The following PDK1 variants were observed in gnomAD, a reference collection of about 807,000 sequenced individuals.
The protein encoded by PDK1 is pyruvate dehydrogenase kinase 1, also known as [Pyruvate dehydrogenase (acetyl-transferring)] kinase isozyme 1, mitochondrial.
A neutral mutation model predicts 54.2 loss-of-function variants in PDK1; 39 were observed. The ratio of observed to expected loss-of-function variants is 0.72; its 90% CI spans 0.56 to 0.94. PDK1 has a LOEUF of 0.94. PDK1 is among the 40% of genes least tolerant of loss of function. The pLI is 0.00. For missense variants in PDK1, 552 were observed against 566.0 expected (o/e 0.98, Z 0.25); for synonymous variants, 221 against 207.1 (o/e 1.07, Z -0.58).
At chr2:172,636,734 AAAGC>A in the PDK1 span, among the ~76,000 whole-genome samples, 1 of 151,914 alleles carries the variant, frequency 6.6e-6, no homozygotes. Flanking sequence ...AAAAAAAAAA[AAAGC>A]AAGAACTCAT....
chr2:172,559,681 G>A (rs78044438), intron 2 of PDK1, among the ~76,000 whole-genome samples: 36,007 of 151,950 alleles, frequency 0.24, 4,493 homozygotes, highest in Non-Finnish European at 0.28. Context: ...CAGAGTAGCT[G>A]GGATTACAGG....
chr2:172,715,609 G>A, the PDK1 span, among the ~76,000 whole-genome samples: 9 of 152,236 alleles, frequency 5.9e-5, no homozygotes, highest in East Asian at 1.7e-3. Flanking sequence ...CCGCCTCATG[G>A]GAATGCAACC....
chr2:172,646,405 C>T, the PDK1 span, among the ~76,000 whole-genome samples: 1 of 151,932 alleles, frequency 6.6e-6, no homozygotes, highest in East Asian at 1.9e-4. Context: ...ATTTGACAGC[C>T]TCATAGAGGC....
chr2:172,586,020 A>G (rs1390946730), intron 8 of PDK1, among the ~76,000 whole-genome samples: 1 of 151,978 alleles, frequency 6.6e-6, no homozygotes, highest in Non-Finnish European at 1.5e-5. Context: ...TTAGCCGGGC[A>G]TGGTGGCAGG....
chr2:172,697,722 C>T, the PDK1 span, among the ~76,000 whole-genome samples: 5 of 152,120 alleles, frequency 3.3e-5, no homozygotes, highest in Admixed American at 1.3e-4. Flanking sequence ...TTCAATTACA[C>T]GTATTTTCAA....
rs529666205 is a variant in PDK1, at chr2:172,580,677, C to A, written c.946-5601C>A. ...CAAATACTCATAGTGGCACTATTCA[C>A]AATAGTGTACAGGTAGAAACAACCC... On this transcript the variant is annotated intron_variant, in intron 8 of 10. Transcript: ENST00000282077. Among the ~76,000 whole-genome samples, 4 of 152,218 alleles carry A rather than the reference C, an allele frequency of 2.6e-5. No homozygotes were observed. The East Asian group carries it at 7.7e-4, about 29-fold the overall frequency.
chr2:172,617,946 C>G, the PDK1 span, among the ~76,000 whole-genome samples: 28 of 152,142 alleles, frequency 1.8e-4, no homozygotes, highest in Non-Finnish European at 3.8e-4. Flanking sequence ...TATTCCTTTA[C>G]TTACAAAACA....
the PDK1 span, among the ~76,000 whole-genome samples, chr2:172,626,554 GA>G: frequency 1.4e-4 from 21 of 152,128 alleles, no homozygotes; most frequent in Non-Finnish European, 2.9e-4. Flanking sequence ...AACACTTTGG[GA>G]GTCCAAGGCA....
the PDK1 span, among the ~76,000 whole-genome samples, chr2:172,645,339 C>T: frequency 3.2e-5 from 4 of 124,828 alleles, no homozygotes; most frequent in Admixed American, 1.1e-4. Context: ...GGCACGATCT[C>T]GGCTCACTGC....
the PDK1 span, among the ~76,000 whole-genome samples, chr2:172,707,928 C>T: frequency 6.6e-6 from 1 of 152,188 alleles, no homozygotes; most frequent in East Asian, 1.9e-4. Flanking sequence ...TATGACAATT[C>T]TCCAACCAGT....
At chr2:172,648,986 G>A in the PDK1 span, among the ~76,000 whole-genome samples, 1 of 152,182 alleles carries the variant, frequency 6.6e-6, no homozygotes, top group Non-Finnish European at 1.5e-5. Context: ...AGAGAGTAGT[G>A]GTTCTCCCAG....
At chr2:172,594,443 C>T (rs973819428) in intron 10 of PDK1, among the ~76,000 whole-genome samples, 7 of 152,126 alleles carry the variant, frequency 4.6e-5, no homozygotes, top group East Asian at 3.8e-4. Flanking sequence ...ATAAAATACA[C>T]TAATGATAGC....
chr2:172,651,570 G>A, the PDK1 span, among the ~76,000 whole-genome samples: 2 of 152,020 alleles, frequency 1.3e-5, no homozygotes, highest in Non-Finnish European at 1.5e-5. Flanking sequence ...TTGATTGCTA[G>A]CAAGACTAAT....
At chr2:172,639,145 T>C in the PDK1 span, among the ~76,000 whole-genome samples, 1 of 152,286 alleles carries the variant, frequency 6.6e-6, no homozygotes, top group South Asian at 2.1e-4. Flanking sequence ...GGCCTTTTGC[T>C]CCAAAAGCCG....
rs1691330324 is a variant in PDK1, at chr2:172,607,337, A to G, written c.*11368A>G. On this transcript the variant is annotated 3_prime_UTR_variant, in exon 11 of 11. Transcript: ENST00000282077. ...AGTGCTTTGATTTTTTTTAATATAG[A>G]ATCAAACAATTGTGAAAATATAATT... is the stretch of plus-strand genomic sequence containing the variant. 1 of 152,210 alleles carries G rather than the reference A, an allele frequency of 6.6e-6. No individual in the cohort carries two copies. Among genetic ancestry groups the G allele is most frequent in the South Asian group, 2.1e-4 (1 of 4,830 alleles). 9.4% of individuals were successfully genotyped at this position (152,210 alleles called of 1,614,324 possible).
At chr2:172,572,443 C>T (rs1164816826) in intron 8 of PDK1, among the ~76,000 whole-genome samples, 2 of 152,014 alleles carry the variant, frequency 1.3e-5, no homozygotes, top group African/African-American at 4.8e-5. Flanking sequence ...CCAAGTACTC[C>T]GTCAGGCACA....
At chr2:172,568,106 G>T (rs1309766083) in intron 6 of PDK1, among the ~76,000 whole-genome samples, 3 of 152,016 alleles carry the variant, frequency 2.0e-5, no homozygotes, top group African/African-American at 4.8e-5. Flanking sequence ...GGCCGAGGCG[G>T]GTGGCTCACA....
chr2:172,561,305 A>C (rs1197459023), intron 2 of PDK1, among the ~76,000 whole-genome samples: 1 of 152,226 alleles, frequency 6.6e-6, no homozygotes, highest in Non-Finnish European at 1.5e-5. Flanking sequence ...AGAGGAAATT[A>C]AGGGTTAAAG....
At chr2:172,562,171 AC>A (rs1337508203) in intron 2 of PDK1, 48 bp from the exon 3 acceptor site, 2 of 981,268 alleles carry the variant, frequency 2.0e-6, no homozygotes, top group East Asian at 4.8e-5. Flanking sequence ...ATGATATTGA[AC>A]TTTCAGAATA....
Sources: gnomAD v4.1 joint callset for allele counts (sites outside exome capture counted in the v4.1 genomes callset) on GRCh38, gnomAD v4.1.1 for gene constraint, MANE v1.5 for transcripts, NCBI Gene and HGNC (gene_info 2026-07-23, HGNC 2026-07-21) for gene names.